Variants in SEMA3A observed in about 807,000 individuals in gnomAD.
The protein encoded by SEMA3A is semaphorin 3A, also known as semaphorin-3A.
A neutral mutation model predicts 97.9 loss-of-function variants in SEMA3A; 29 were observed. The ratio of observed to expected loss-of-function variants is 0.30; its 90% CI spans 0.22 to 0.40. SEMA3A has a LOEUF of 0.40. SEMA3A is among the 10% of genes least tolerant of loss of function. SEMA3A has a pLI of 1.00. For synonymous variants in SEMA3A, 321 were observed against 323.7 expected, an observed-to-expected ratio of 0.99 and a Z score of 0.09; for missense variants, 763 against 951.3, an observed-to-expected ratio of 0.80 and a Z score of 2.60.
chr7:84,273,854 G>T (rs1684273499), intron 3 of SEMA3A, among the ~76,000 whole-genome samples: 2 of 151,536 alleles, frequency 1.3e-5, no homozygotes, highest in South Asian at 2.1e-4. Context: ...CATATTACAG[G>T]GTTATTTAAT....
chr7:84,214,280 T>G (rs956563626), intron 3 of SEMA3A, among the ~76,000 whole-genome samples: 5 of 152,218 alleles, frequency 3.3e-5, no homozygotes, highest in Non-Finnish European at 5.9e-5. Context: ...ATTGCATTTT[T>G]TGTTAACATT....
chr7:84,135,779 C>A (rs920000858), intron 1 of SEMA3A, among the ~76,000 whole-genome samples: 1 of 152,010 alleles, frequency 6.6e-6, no homozygotes, highest in African/African-American at 2.4e-5. Context: ...TGCCTAAATT[C>A]TTTCAAGCAT....
Position 84,288,797 on chromosome 7 carries a change from C to T in SEMA3A, c.-83+18410G>A, listed in dbSNP as rs563627814. 2.0e-5 allele frequency among the ~76,000 whole-genome samples: 3 copies of T among 152,168 alleles called. No individual in the cohort carries two copies. In the East Asian group the frequency reaches 5.8e-4, roughly 29 times the overall value. On this transcript the variant is annotated intron_variant, in intron 3 of 3. Transcript: ENST00000424555. ...TTGGTGGGCATGTGAATTATTACAG[C>T]CATTTTAGAAAAGAGTATGAGGTTC... is the stretch of plus-strand genomic sequence containing the variant.
chr7:84,076,410 C>G (rs1169075114), intron 4 of SEMA3A, among the ~76,000 whole-genome samples: 1 of 152,066 alleles, frequency 6.6e-6, no homozygotes, highest in African/African-American at 2.4e-5. Flanking sequence ...AACCACATAA[C>G]CTATTTCCAG....
chr7:84,395,928 G>T (rs895743683), intron 1 of SEMA3A, among the ~76,000 whole-genome samples: 1 of 152,120 alleles, frequency 6.6e-6, no homozygotes, highest in Non-Finnish European at 1.5e-5. Flanking sequence ...GATTTAGAAA[G>T]AAATCTAGTG....
chr7:84,316,032 C>T (rs1306678191), intron 2 of SEMA3A, among the ~76,000 whole-genome samples: 2 of 146,126 alleles, frequency 1.4e-5, no homozygotes, highest in Non-Finnish European at 3.0e-5. Context: ...TGGTGCACAT[C>T]TGTAGTCCCA....
At chr7:84,276,830 G>T (rs1800307088) in intron 3 of SEMA3A, among the ~76,000 whole-genome samples, 1 of 151,974 alleles carries the variant, frequency 6.6e-6, no homozygotes, top group Non-Finnish European at 1.5e-5. Context: ...TACATGTTTT[G>T]TTGCAAAGAT....
intron 3 of SEMA3A, among the ~76,000 whole-genome samples, chr7:84,299,244 A>G (rs981831069): frequency 3.4e-4 from 50 of 145,004 alleles, no homozygotes; most frequent in Admixed American, 4.2e-4. Flanking sequence ...AACAGTGTGT[A>G]TATATATATA....
chr7:84,271,119 A>G (rs151054496), intron 3 of SEMA3A, among the ~76,000 whole-genome samples: 240 of 152,030 alleles, frequency 1.6e-3, no homozygotes, highest in African/African-American at 5.2e-3. Context: ...TCTAATCACA[A>G]TCTGTTTTCT....
chr7:84,049,915 C>A (rs946949157), intron 5 of SEMA3A, among the ~76,000 whole-genome samples: 1 of 138,454 alleles, frequency 7.2e-6, no homozygotes, highest in Non-Finnish European at 1.5e-5. Context: ...CTTCATGTGT[C>A]CATGTGATCT....
At chr7:83,971,896 A>T (rs918355510) in intron 15 of SEMA3A, among the ~76,000 whole-genome samples, 1 of 152,142 alleles carries the variant, frequency 6.6e-6, no homozygotes, top group African/African-American at 2.4e-5. Flanking sequence ...TAACCAGGAT[A>T]TAGCATTTAG....
chr7:84,353,776 T>C lies in SEMA3A; in HGVS notation c.-169+18048A>G, dbSNP rs559481985. Among the ~76,000 whole-genome samples, 3 of 151,852 alleles carry C rather than the reference T, an allele frequency of 2.0e-5. No homozygotes were observed. The South Asian group carries it at 6.2e-4, about 31-fold the overall frequency. Reference sequence around the variant, plus strand: ...ATTTTGGGGGGAGGATAAGGAAGCATTGGATAATCACAATGTTAAAATATG... The same window carrying C: ...ATTTTGGGGGGAGGATAAGGAAGCACTGGATAATCACAATGTTAAAATATG... On this transcript the variant is annotated intron_variant, in intron 2 of 3. Transcript: ENST00000424555.
chr7:84,458,629 C>T (rs1274896385), intron 1 of SEMA3A, among the ~76,000 whole-genome samples: 1 of 151,962 alleles, frequency 6.6e-6, no homozygotes, highest in African/African-American at 2.4e-5. Context: ...AGGTTTGTTA[C>T]TAGAATCCTC....
chr7:84,425,094 A>C (rs1400108041), intron 1 of SEMA3A, among the ~76,000 whole-genome samples: 2 of 107,716 alleles, frequency 1.9e-5, no homozygotes, highest in African/African-American at 7.7e-5. Context: ...TTATATTTTT[A>C]TATAAATATA....
chr7:84,165,542 G>A (rs546952301), intron 1 of SEMA3A, among the ~76,000 whole-genome samples: 1 of 151,952 alleles, frequency 6.6e-6, no homozygotes, highest in Non-Finnish European at 1.5e-5. Context: ...TAGCATAGCT[G>A]GTTATATATA....
chr7:84,390,833 C>T (rs1312470676), intron 1 of SEMA3A, among the ~76,000 whole-genome samples: 1 of 152,116 alleles, frequency 6.6e-6, no homozygotes. Context: ...GGCTGAACTG[C>T]TGGTGAATGA....
chr7:84,392,328 T>G (rs1803601704), intron 1 of SEMA3A, among the ~76,000 whole-genome samples: 1 of 152,196 alleles, frequency 6.6e-6, no homozygotes, highest in Non-Finnish European at 1.5e-5. Flanking sequence ...GATATTTGTC[T>G]TCTTGTTTGG....
intron 1 of SEMA3A, among the ~76,000 whole-genome samples, chr7:84,438,958 C>G (rs1209074852): frequency 6.6e-6 from 1 of 151,918 alleles, no homozygotes; most frequent in Non-Finnish European, 1.5e-5. Flanking sequence ...CAGTGTGTCT[C>G]AACTGTGCAA....
Position 84,347,557 on chromosome 7 carries a change from G to A in SEMA3A, c.-169+24267C>T, listed in dbSNP as rs541113659. On this transcript the variant is annotated intron_variant, in intron 2 of 3. Transcript: ENST00000424555. The stretch of plus-strand genomic sequence containing the variant: ...CTCTTGAGCAGCTGGAACTACAGGC[G>A]TGCGCCACCACGCCCGGCTAATTTT... Among the ~76,000 whole-genome samples, 25 of 151,948 alleles carry A rather than the reference G, an allele frequency of 1.6e-4. 1 individual carries two copies. The South Asian group carries it at 3.3e-3, about 20-fold the overall frequency.
Sources: allele counts gnomAD v4.1 joint callset (sites outside exome capture counted in the v4.1 genomes callset), GRCh38; gene constraint gnomAD v4.1.1; transcripts MANE v1.5; gene names NCBI Gene and HGNC (gene_info 2026-07-23, HGNC 2026-07-21).